The following MAPRE2 variants were observed in gnomAD, a reference collection of about 807,000 sequenced individuals.
The protein encoded by MAPRE2 is microtubule-associated protein RP/EB family member 2.
Under a neutral mutation model 43.2 loss-of-function variants are expected in MAPRE2, and 13 were observed. The ratio of observed to expected loss-of-function variants is 0.30; its 90% CI spans 0.20 to 0.48. MAPRE2 has a LOEUF of 0.48. Ranked by LOEUF, MAPRE2 falls within the 20% of genes least tolerant of loss-of-function variation. The pLI, the probability that MAPRE2 is intolerant of heterozygous loss-of-function variation, is 0.99. For missense variants in MAPRE2, 161 were observed against 400.2 expected (o/e 0.40, Z 5.10); for synonymous variants, 135 against 148.8 (o/e 0.91, Z 0.68).
intron 2 of MAPRE2, among the ~76,000 whole-genome samples, chr18:35,081,812 A>G (rs903035259): frequency 2.6e-5 from 4 of 152,066 alleles, no homozygotes; most frequent in African/African-American, 7.2e-5. Context: ...CACTCATACC[A>G]GTATATTTTA....
intron 1 of MAPRE2, among the ~76,000 whole-genome samples, chr18:35,064,078 G>T (rs1221589226): frequency 6.8e-6 from 1 of 147,600 alleles, no homozygotes; most frequent in Non-Finnish European, 1.5e-5. Context: ...AGCTACTCAG[G>T]GATGCTGATA....
At chr18:35,060,684 C>T (rs972391764) in intron 1 of MAPRE2, among the ~76,000 whole-genome samples, 4 of 152,114 alleles carry the variant, frequency 2.6e-5, no homozygotes, top group African/African-American at 4.8e-5. Flanking sequence ...GAAAACAAAA[C>T]AAAAATCCAC....
chr18:35,117,773 G>A (rs777677657), intron 4 of MAPRE2, among the ~76,000 whole-genome samples: 2 of 152,146 alleles, frequency 1.3e-5, no homozygotes, highest in Non-Finnish European at 2.9e-5. Flanking sequence ...TGAAGATAGT[G>A]ATTGGATGTG....
chr18:35,052,987 A>T (rs182451040), intron 1 of MAPRE2, among the ~76,000 whole-genome samples: 1 of 148,306 alleles, frequency 6.7e-6, no homozygotes, highest in East Asian at 2.0e-4. Flanking sequence ...TTATATTCTT[A>T]ACTTGAATAT....
rs560267878 is a variant in MAPRE2 at position 34,985,840 on chromosome 18, A to G, written c.-70+8761A>G. Among the ~76,000 whole-genome samples, 8 of 148,914 alleles carry G rather than the reference A, an allele frequency of 5.4e-5. No individual in the cohort carries two copies. In the South Asian group the frequency reaches 1.7e-3, roughly 31 times the overall value. On this transcript the variant is annotated intron_variant, in intron 1 of 7. Coordinates refer to the MAPRE2 transcript ENST00000413393. ...TCTTTTAACCCCCTAGAAGAGAGGT[A>G]AAGTATCTTCCAGGTATGAAATATA...
At chr18:35,016,828 T>G (rs754500978) in intron 2 of MAPRE2, among the ~76,000 whole-genome samples, 4 of 152,060 alleles carry the variant, frequency 2.6e-5, no homozygotes, top group Non-Finnish European at 5.9e-5. Flanking sequence ...ATCATCAATT[T>G]TTGTTTTTGT....
chr18:35,095,394 A>ACG (rs1287259020), intron 2 of MAPRE2, among the ~76,000 whole-genome samples: 1,778 of 145,552 alleles, frequency 0.012, 19 homozygotes, highest in African/African-American at 0.025. Flanking sequence ...ACACACACAC[A>ACG]CACACACGCA....
At chr18:35,135,778 G>A (rs777779427) in intron 6 of MAPRE2, among the ~76,000 whole-genome samples, 2 of 152,202 alleles carry the variant, frequency 1.3e-5, no homozygotes, top group African/African-American at 2.4e-5. Context: ...TGTACATGGC[G>A]TCTGGGAGGA....
chr18:35,109,103 C>T (rs1033837239), intron 4 of MAPRE2, among the ~76,000 whole-genome samples: 1 of 151,380 alleles, frequency 6.6e-6, no homozygotes, highest in South Asian at 2.1e-4. Context: ...TTGGGTTTTA[C>T]ATTTAAGTCT....
intron 1 of MAPRE2, among the ~76,000 whole-genome samples, chr18:34,997,824 T>C (rs905446605): frequency 1.3e-5 from 2 of 152,086 alleles, no homozygotes; most frequent in African/African-American, 4.8e-5. Flanking sequence ...CTCAAACAAA[T>C]AAACAATCAA....
intron 2 of MAPRE2, among the ~76,000 whole-genome samples, chr18:35,023,967 CT>C (rs2097043542): frequency 6.6e-6 from 1 of 152,088 alleles, no homozygotes; most frequent in Non-Finnish European, 1.5e-5. Context: ...ATATGACAAC[CT>C]AAATTTGTTT....
chr18:35,052,551 GT>G (rs1369868665), intron 1 of MAPRE2, among the ~76,000 whole-genome samples: 3 of 152,174 alleles, frequency 2.0e-5, no homozygotes, highest in African/African-American at 7.2e-5. Context: ...TTGTGGAGGT[GT>G]TTTCATTTCT....
intron 4 of MAPRE2, among the ~76,000 whole-genome samples, chr18:35,114,849 T>C (rs1909340751): frequency 6.6e-6 from 1 of 152,174 alleles, no homozygotes; most frequent in South Asian, 2.1e-4. Flanking sequence ...CATGTGCTCA[T>C]CTGATGGATC....
At chr18:35,060,755 A>G (rs1251847220) in intron 1 of MAPRE2, among the ~76,000 whole-genome samples, 1 of 152,196 alleles carries the variant, frequency 6.6e-6, no homozygotes, top group Non-Finnish European at 1.5e-5. Context: ...TGGCTAGCCA[A>G]ACTAAGCCCT....
At chr18:35,008,283 T>G (rs1242098700) in intron 2 of MAPRE2, among the ~76,000 whole-genome samples, 2 of 152,190 alleles carry the variant, frequency 1.3e-5, no homozygotes, top group Non-Finnish European at 2.9e-5. Flanking sequence ...TAAATAGTTA[T>G]CTTTGGGAAA....
At chr18:35,044,746 G>A (rs1905537014) in intron 1 of MAPRE2, among the ~76,000 whole-genome samples, 1 of 152,168 alleles carries the variant, frequency 6.6e-6, no homozygotes, top group Admixed American at 6.5e-5. Flanking sequence ...GAGAAGAGGA[G>A]GGAACACCTA....
intron 1 of MAPRE2, among the ~76,000 whole-genome samples, chr18:35,055,565 A>ATGTATG (rs1906183409): frequency 1.4e-5 from 1 of 72,498 alleles, no homozygotes; most frequent in Non-Finnish European, 3.3e-5. Context: ...GTGTGTGTGT[A>ATGTATG]TGTGTGTGTG....
chr18:35,032,884 G>C lies in MAPRE2; in HGVS notation c.-8+27331G>C, dbSNP rs2097048503. Among the ~76,000 whole-genome samples, 3 of 152,064 alleles carry C rather than the reference G, an allele frequency of 2.0e-5. No individual in the cohort carries two copies. In the South Asian group the frequency reaches 6.2e-4, roughly 32 times the overall value. On this transcript the variant is annotated intron_variant, in intron 2 of 7. Coordinates refer to the MAPRE2 transcript ENST00000413393. ...CAATTCATCTGATGCCTAACAGTTGGTCATTAATTAACATATCCTTCCTGT... is the reference window on the plus strand; with the variant it reads ...CAATTCATCTGATGCCTAACAGTTGCTCATTAATTAACATATCCTTCCTGT...
At chr18:35,011,048 G>A (rs192088082) in intron 2 of MAPRE2, among the ~76,000 whole-genome samples, 157 of 152,282 alleles carry the variant, frequency 1.0e-3, no homozygotes, top group African/African-American at 3.7e-3. Context: ...CTGTTCAGGG[G>A]CAGAGGGTAG....
Sources: gnomAD v4.1 joint callset for allele counts (sites outside exome capture counted in the v4.1 genomes callset) on GRCh38, gnomAD v4.1.1 for gene constraint, MANE v1.5 for transcripts, NCBI Gene and HGNC (gene_info 2026-07-23, HGNC 2026-07-21) for gene names.